The following RALYL variants were observed in gnomAD, a reference collection of about 807,000 sequenced individuals.
RALYL encodes RALY RNA binding protein like, also known as RNA-binding Raly-like protein.
Under a neutral mutation model 35.1 loss-of-function variants are expected in RALYL, and 29 were observed. The observed-to-expected ratio is 0.83, with a 90% CI of 0.61 to 1.13. RALYL has a LOEUF of 1.13. RALYL is among the 50% of genes most tolerant of loss of function. RALYL has a pLI of 0.00. For missense variants in RALYL, 359 were observed against 360.4 expected (o/e 1.00, Z 0.03); for synonymous variants, 120 against 127.6 (o/e 0.94, Z 0.40).
At chr8:84,184,900 G>T in intron 1 of RALYL, 1 of 1,438,520 alleles carries the variant, frequency 7.0e-7, no homozygotes, top group Non-Finnish European at 9.8e-7. Context: ...TTCCGGAGGG[G>T]CTGGCTCCAG....
Position 84,816,421 on chromosome 8 carries a change from G to A in RALYL, c.365+11619G>A, listed in dbSNP as rs147082556. Among the ~76,000 whole-genome samples, 492 of 152,100 alleles carry A rather than the reference G, an allele frequency of 3.2e-3. 6 individuals carry two copies. The highest frequency in any genetic ancestry group is 0.011 in the African/African-American group (475 of 41,516). On this transcript the variant is annotated intron_variant, in intron 4 of 8. Transcript: ENST00000521268. ...TAGTTGTATTTTGAAATTAAATATC[G>A]ATTTATACCAATTTTTCATTTGATG...
At chr8:84,623,041 C>T (rs182711834) in intron 2 of RALYL, among the ~76,000 whole-genome samples, 1 of 152,122 alleles carries the variant, frequency 6.6e-6, no homozygotes, top group African/African-American at 2.4e-5. Context: ...TGACTGAAAG[C>T]CAGTTCTGAT....
chr8:84,627,773 A>G (rs895008587), intron 2 of RALYL, among the ~76,000 whole-genome samples: 5 of 151,986 alleles, frequency 3.3e-5, no homozygotes, highest in Non-Finnish European at 7.4e-5. Flanking sequence ...ATGACCATCC[A>G]TTCTTTCACT....
chr8:84,248,443 T>C (rs1325069907), intron 1 of RALYL, among the ~76,000 whole-genome samples: 1 of 152,114 alleles, frequency 6.6e-6, no homozygotes, highest in Admixed American at 6.6e-5. Flanking sequence ...TAAGAGCTCT[T>C]TGTGGTCAGA....
rs898583697 is a variant in RALYL, at chr8:84,518,955, A to T, written c.-23-10344A>T. Among the ~76,000 whole-genome samples the T allele has an allele frequency of 2.6e-5, 4 of 152,326 alleles. 1 individual carries two copies. Among genetic ancestry groups the T allele is most frequent in the Admixed American group, 2.6e-4 (4 of 15,294 alleles). ...CCTGCAATTTAGCTCTTTGTGACAGAGAGTTTTAAAATGGAGAAAGATGTT... is the reference window on the plus strand; with the variant it reads ...CCTGCAATTTAGCTCTTTGTGACAGTGAGTTTTAAAATGGAGAAAGATGTT... On this transcript the variant is annotated intron_variant, in intron 1 of 8. Coordinates refer to ENST00000521268, the MANE Select transcript of RALYL (RefSeq NM_173848.7).
At chr8:84,310,307 G>A (rs905504853) in intron 1 of RALYL, among the ~76,000 whole-genome samples, 1 of 151,898 alleles carries the variant, frequency 6.6e-6, no homozygotes, top group Admixed American at 6.6e-5. Flanking sequence ...CCAAAGTGCT[G>A]GGATTACAGG....
intron 4 of RALYL, among the ~76,000 whole-genome samples, chr8:84,846,183 T>A (rs994421568): frequency 2.0e-5 from 3 of 152,162 alleles, no homozygotes; most frequent in Non-Finnish European, 2.9e-5. Context: ...TAAAAAATGA[T>A]GTTGGTAGTT....
chr8:84,249,941 G>A (rs914675632), intron 1 of RALYL, among the ~76,000 whole-genome samples: 5 of 151,708 alleles, frequency 3.3e-5, no homozygotes, highest in Admixed American at 2.0e-4. Context: ...ATATAAAAAG[G>A]TGATTTTTTT....
intron 1 of RALYL, among the ~76,000 whole-genome samples, chr8:84,311,773 C>A (rs967480373): frequency 6.6e-6 from 1 of 152,042 alleles, no homozygotes; most frequent in East Asian, 1.9e-4. Flanking sequence ...AAATTTATTA[C>A]AATATTTCAA....
chr8:84,751,957 G>A (rs1810143934), intron 2 of RALYL, among the ~76,000 whole-genome samples: 1 of 152,164 alleles, frequency 6.6e-6, no homozygotes, highest in Non-Finnish European at 1.5e-5. Context: ...TTGCTATAAA[G>A]ATATCTGAAC....
At chr8:84,576,983 TC>T (rs1809603943) in intron 2 of RALYL, among the ~76,000 whole-genome samples, 1 of 152,194 alleles carries the variant, frequency 6.6e-6, no homozygotes, top group Non-Finnish European at 1.5e-5. Flanking sequence ...TCATTGTAAT[TC>T]CACCACCTTG....
chr8:84,813,054 C>T (rs1311768856), intron 4 of RALYL, among the ~76,000 whole-genome samples: 1 of 152,178 alleles, frequency 6.6e-6, no homozygotes, highest in East Asian at 1.9e-4. Flanking sequence ...GCAGGAATGG[C>T]CTGCTTGAAG....
chr8:84,197,082 A>C (rs1227946999), intron 1 of RALYL, among the ~76,000 whole-genome samples: 11 of 152,212 alleles, frequency 7.2e-5, no homozygotes, highest in Non-Finnish European at 4.4e-5. Flanking sequence ...CCTTGCAGAG[A>C]ATCACTCATT....
chr8:84,501,131 T>C (rs2056613030), intron 1 of RALYL, among the ~76,000 whole-genome samples: 1 of 152,136 alleles, frequency 6.6e-6, no homozygotes, highest in Non-Finnish European at 1.5e-5. Flanking sequence ...GGTGTATGTG[T>C]TTGTAGGAAA....
At chr8:84,688,902 A>G (rs553109905) in intron 2 of RALYL, among the ~76,000 whole-genome samples, 1 of 152,190 alleles carries the variant, frequency 6.6e-6, no homozygotes, top group South Asian at 2.1e-4. Flanking sequence ...GAAATGGTTA[A>G]AGGGATGTCG....
chr8:84,815,688 A>C (rs1164476923), intron 4 of RALYL, among the ~76,000 whole-genome samples: 1 of 152,048 alleles, frequency 6.6e-6, no homozygotes, highest in East Asian at 1.9e-4. Flanking sequence ...TGCATCAGAT[A>C]TACTCTGATC....
At chr8:84,641,911 T>A (rs1826429620) in intron 2 of RALYL, among the ~76,000 whole-genome samples, 1 of 151,926 alleles carries the variant, frequency 6.6e-6, no homozygotes, top group Non-Finnish European at 1.5e-5. Context: ...TAAAACTTAT[T>A]TATCCAGACA....
At chr8:84,369,039 A>G (rs1431771114) in intron 1 of RALYL, among the ~76,000 whole-genome samples, 2 of 152,198 alleles carry the variant, frequency 1.3e-5, no homozygotes, top group Non-Finnish European at 2.9e-5. Flanking sequence ...AGCTATATGC[A>G]TAAGGGATTT....
chr8:84,889,947 A>AT (rs1311707216), intron 8 of RALYL, among the ~76,000 whole-genome samples: 1 of 152,148 alleles, frequency 6.6e-6, no homozygotes, highest in African/African-American at 2.4e-5. Flanking sequence ...TGCTCTTCAG[A>AT]TTTTCCATAA....
Sources: allele counts gnomAD v4.1 joint callset (sites outside exome capture counted in the v4.1 genomes callset), GRCh38; gene constraint gnomAD v4.1.1; transcripts MANE v1.5; gene names NCBI Gene and HGNC (gene_info 2026-07-23, HGNC 2026-07-21).